CCDC40: variants seen among roughly 807,000 people sequenced by gnomAD.
The protein encoded by CCDC40 is coiled-coil domain 40 molecular ruler complex subunit.
CCDC40 carries 104 observed loss-of-function variants against 124.5 expected under a neutral mutation model. The observed-to-expected ratio is 0.84, with a 90% confidence interval of 0.71 to 0.98. The LOEUF (loss-of-function observed/expected upper bound fraction) is 0.98, where lower values mean the gene tolerates loss of function less well. Among genes scored for constraint, CCDC40 ranks in the 50% least tolerant of loss-of-function variants. CCDC40 has a pLI of 0.00. For synonymous variants in CCDC40, 580 were observed against 602.9 expected, an observed-to-expected ratio of 0.96 and a Z score of 0.56; for missense variants, 1,463 against 1,503.9, an observed-to-expected ratio of 0.97 and a Z score of 0.45.
chr17:80,067,878 G>T (rs1466938124), intron 10 of CCDC40: 2 of 1,382,678 alleles, frequency 1.4e-6, no homozygotes, highest in East Asian at 5.3e-5. Flanking sequence ...AGATAATCTT[G>T]TTTTATAAAA....
chr17:80,090,165 A>G lies in CCDC40; in HGVS notation c.2832+281A>G, dbSNP rs7210664. The G allele has an allele frequency of 0.12, 121,473 of 997,132 alleles. 33,570 individuals carry two copies. Among genetic ancestry groups the G allele is most frequent in the Non-Finnish European group, 0.14 (98,581 of 703,122 alleles). The allele number at this position is 997,132 out of a possible 1,614,324, so 61.8% of individuals were successfully genotyped here. A position where few individuals can be genotyped will look rare whatever the true frequency, so the allele number is the denominator to read the frequency against. ...AATATTGCAGAACAACACAGGACGC[A>G]CACAGGCACGTGCACGAACAACACG... On this transcript the variant is annotated intron_variant, in intron 17 of 19. Coordinates refer to ENST00000397545, the MANE Select transcript of CCDC40 (RefSeq NM_017950.4).
chr17:80,049,063 C>A (rs1335346062), intron 5 of CCDC40, among the ~76,000 whole-genome samples: 1 of 134,538 alleles, frequency 7.4e-6, no homozygotes, highest in African/African-American at 3.6e-5. Context: ...CTGCTACATG[C>A]CAGGAGCACC....
chr17:80,050,686 C>T (rs1411823939), intron 7 of CCDC40, among the ~76,000 whole-genome samples: 3 of 152,192 alleles, frequency 2.0e-5, no homozygotes, highest in Non-Finnish European at 2.9e-5. Flanking sequence ...TCAGGTGATT[C>T]GCCTGCCTCG....
intron 10 of CCDC40, among the ~76,000 whole-genome samples, chr17:80,069,754 AAAAT>A (rs1429795361): frequency 6.6e-6 from 1 of 152,078 alleles, no homozygotes; most frequent in Non-Finnish European, 1.5e-5. Flanking sequence ...TCGTCTCAAA[AAAAT>A]AAGAAAGAAA....
chr17:80,063,601 G>A (rs776371895), intron 9 of CCDC40, among the ~76,000 whole-genome samples: 3 of 152,174 alleles, frequency 2.0e-5, no homozygotes, highest in Non-Finnish European at 2.9e-5. Flanking sequence ...CCTCCTTAGT[G>A]AATAACTTAC....
intron 17 of CCDC40, chr17:80,090,841 G>T: frequency 8.6e-7 from 1 of 1,157,668 alleles, no homozygotes; most frequent in Non-Finnish European, 1.1e-6. Context: ...CCTCTGCTGA[G>T]TTATTTTTCA....
At chr17:80,045,106 C>G (rs982338298) in intron 3 of CCDC40, among the ~76,000 whole-genome samples, 22 of 152,184 alleles carry the variant, frequency 1.4e-4, no homozygotes, top group Non-Finnish European at 2.4e-4. Context: ...GAGTCAACAC[C>G]ATCTGCGGAA....
chr17:80,037,641 T>C (rs1316582904), intron 1 of CCDC40, among the ~76,000 whole-genome samples: 2 of 142,738 alleles, frequency 1.4e-5, no homozygotes, highest in Non-Finnish European at 3.0e-5. Flanking sequence ...AACATATCTA[T>C]ATTCCTTTGA....
intron 1 of CCDC40, 21 bp from the exon 2 acceptor site, chr17:80,038,102 C>A: frequency 1.3e-6 from 2 of 1,564,718 alleles, no homozygotes; most frequent in Non-Finnish European, 1.8e-6. Flanking sequence ...TGAAACTGTT[C>A]AATTGTTTCT....
intron 1 of CCDC40, among the ~76,000 whole-genome samples, chr17:80,037,686 AAAAGATATACATATATAT>A (rs1385929450): frequency 8.0e-4 from 21 of 26,310 alleles, no homozygotes; most frequent in Admixed American, 2.9e-3. Flanking sequence ...AATTTTTTAA[AAAAGATATACATATATAT>A]ATATATATAT....
Position 80,099,424 on chromosome 17 carries a change from C to T in CCDC40, c.3181-103C>T, listed in dbSNP as rs183227277. 7.3e-4 allele frequency: 998 copies of T among 1,374,488 alleles called. 3 individuals carry two copies. In the African/African-American group the frequency reaches 0.012, roughly 17 times the overall value. The allele number at this position is 1,374,488 out of a possible 1,614,324, so 85.1% of individuals were successfully genotyped here. On this transcript the variant is annotated intron_variant, in intron 19 of 19. Transcript: ENST00000397545. ...GCCGTCCCTTTTCAGGCGTAGGTCT[C>T]GCCTCCTCTTCGGCATTTCCTGGAA... is the stretch of plus-strand genomic sequence containing the variant.
In CCDC40 at chr17:80,086,495, TATC is replaced by T. The variant is rs1178198551; in HGVS notation, c.2449+283_2449+285del. 3 of 419,818 alleles carry T rather than the reference TATC, an allele frequency of 7.1e-6. No individual in the cohort carries two copies. In the East Asian group the frequency reaches 1.5e-4, roughly 21 times the overall value. The allele number at this position is 419,818 out of a possible 1,614,324, so 26.0% of individuals were successfully genotyped here. A position where few individuals can be genotyped will look rare whatever the true frequency, so the allele number is the denominator to read the frequency against. On this transcript the variant is annotated intron_variant, in intron 14 of 19. Coordinates refer to ENST00000397545, the MANE Select transcript of CCDC40 (RefSeq NM_017950.4). This position sits in a 1 kb window ranked among gnomAD's most constrained non-coding sequence, Gnocchi z 5.5. ...TCCTTGAGAGAGGAGCATGGAAGGT[TATC>T]ATCCCCGCCAAGCCAGGGCACTCAG...
chr17:80,096,996 C>T (rs537397231), intron 18 of CCDC40, among the ~76,000 whole-genome samples: 127 of 152,328 alleles, frequency 8.3e-4, no homozygotes, highest in Admixed American at 1.4e-3. Context: ...ACCCACTGCA[C>T]GGGGAGCCCC....
chr17:80,067,779 C>T (rs113432031), intron 10 of CCDC40: 230 of 1,464,688 alleles, frequency 1.6e-4, no homozygotes, highest in Non-Finnish European at 1.8e-4. Context: ...GTGACAGTCA[C>T]GCCCCCGGCA....
chr17:80,087,627 A>G lies in CCDC40; in HGVS notation c.2470A>G (p.Lys824Glu), dbSNP rs763511113. Residue 824 changes from lysine to glutamate, a missense_variant, in exon 15 of 20, where the codon AAG becomes GAG. Lys to Glu is a moderately conservative substitution (Grantham distance 56). Coordinates refer to ENST00000397545, the MANE Select transcript of CCDC40 (RefSeq NM_017950.4). The surrounding 1 kb of genome is among the most constrained non-coding windows in gnomAD (Gnocchi z 4.5). ...RVESKIEQEK[K>E]EQKEIEHHMK... ...CATAGGCAAGATTGAGCAGGAGAAG[A>G]AGGAGCAGAAGGAGATCGAGCACCA... The G allele has an allele frequency of 3.7e-6, 6 of 1,614,142 alleles. No homozygotes were observed. The highest frequency in any genetic ancestry group is 4.5e-5 in the East Asian group (2 of 44,872).
At chr17:80,071,801 T>A in intron 10 of CCDC40, among the ~76,000 whole-genome samples, 1 of 150,650 alleles carries the variant, frequency 6.6e-6, no homozygotes, top group Admixed American at 6.6e-5. Context: ...TGGCAGGAAA[T>A]CTGCAGGAAG....
chr17:80,058,858 GA>G lies in CCDC40; in HGVS notation c.1319del (p.Asp440AlafsTer35), dbSNP rs1339138692. 1 of 1,614,144 alleles carries G rather than the reference GA, an allele frequency of 6.2e-7. No individual in the cohort carries two copies. The highest frequency in any genetic ancestry group is 1.7e-5 in the Admixed American group (1 of 60,016). ...IRAEIEKKKQ[D>X]LYVDQLTTRA... Reference sequence around the variant, plus strand: ...GGCTGCTTCTCATCCTGTTTCCCAGGACCTGTATGTGGACCAGCTCACCACT... The same window carrying G: ...GGCTGCTTCTCATCCTGTTTCCCAGGCCTGTATGTGGACCAGCTCACCACT... On this transcript the variant is annotated frameshift_variant and splice_region_variant, in exon 9 of 20. Transcript: ENST00000397545. LOFTEE classifies it high-confidence loss of function. The surrounding 1 kb of genome is among the most constrained non-coding windows in gnomAD (Gnocchi z 4.2).
intron 13 of CCDC40, among the ~76,000 whole-genome samples, chr17:80,085,751 C>T (rs955187195): frequency 2.7e-5 from 4 of 150,406 alleles, no homozygotes; most frequent in Middle Eastern, 3.2e-3. Context: ...GCTCACTGCA[C>T]ATCTGCCTCC....
chr17:80,090,559 C>T (rs952536408), intron 17 of CCDC40: 6 of 1,506,336 alleles, frequency 4.0e-6, no homozygotes, highest in Non-Finnish European at 5.3e-6. Flanking sequence ...TTTTTAAATG[C>T]CGGTTGTAAC....
Sources: gnomAD v4.1 joint callset for allele counts (sites outside exome capture counted in the v4.1 genomes callset) on GRCh38, gnomAD v4.1.1 for gene constraint, Gnocchi (gnomAD v3.1) non-coding constraint, MANE v1.5 for transcripts, NCBI Gene and HGNC (gene_info 2026-07-23, HGNC 2026-07-21) for gene names.